The following OPA1 variants were observed in gnomAD, a reference collection of about 807,000 sequenced individuals.
OPA1 encodes the protein OPA1 mitochondrial dynamin like GTPase, also known as dynamin-like GTPase OPA1, mitochondrial.
In OPA1, 59 loss-of-function variants were observed where a neutral mutation model predicts 152.9. The ratio of observed to expected loss-of-function variants is 0.39; its 90% confidence interval spans 0.31 to 0.48. OPA1 has a LOEUF of 0.48. Among genes scored for constraint, OPA1 ranks in the 20% least tolerant of loss-of-function variants. The pLI is 0.96. For synonymous variants in OPA1, 400 were observed against 389.9 expected, an observed-to-expected ratio of 1.03 and a Z score of -0.31; for missense variants, 1,008 against 1,216.8, an observed-to-expected ratio of 0.83 and a Z score of 2.55.
chr3:193,681,502 T>C (rs758255089), intron 29 of OPA1, among the ~76,000 whole-genome samples: 4 of 152,192 alleles, frequency 2.6e-5, no homozygotes, highest in Non-Finnish European at 5.9e-5. Context: ...ATAAAATTGG[T>C]GCCCCTCAAA....
intron 29 of OPA1, among the ~76,000 whole-genome samples, chr3:193,674,565 T>C (rs1190765881): frequency 6.6e-6 from 1 of 152,258 alleles, no homozygotes; most frequent in Non-Finnish European, 1.5e-5. Context: ...AGTTCTAATT[T>C]ATAGGATAGT....
chr3:193,680,430 C>A (rs6802375), intron 29 of OPA1, among the ~76,000 whole-genome samples: 30 of 152,286 alleles, frequency 2.0e-4, no homozygotes, highest in African/African-American at 6.3e-4. Flanking sequence ...CAATCTTGAC[C>A]TCTTTCTTAT....
intron 21 of OPA1, among the ~76,000 whole-genome samples, chr3:193,654,077 C>A (rs1713194584): frequency 6.6e-6 from 1 of 152,092 alleles, no homozygotes; most frequent in Admixed American, 6.5e-5. Context: ...ATAAGAAAGA[C>A]TTGTACGTGA....
At chr3:193,625,670 TAAG>T (rs1448650619) in intron 6 of OPA1, among the ~76,000 whole-genome samples, 1 of 151,996 alleles carries the variant, frequency 6.6e-6, no homozygotes, top group East Asian at 1.9e-4. Context: ...AATACTAACT[TAAG>T]AATAATAATT....
rs201643664 is a variant in OPA1 at position 193,681,607 on chromosome 3, T to A, written c.2984-10456T>A. Among the ~76,000 whole-genome samples the A allele has an allele frequency of 7.2e-5, 11 of 152,326 alleles. No homozygotes were observed. In the East Asian group the frequency reaches 1.9e-3, roughly 27 times the overall value. ...GTTATTGCATTTTTAACAATAGAAGTTTTGTGGCAACCCTGCATTGAACAA... is the reference window on the plus strand; with the variant it reads ...GTTATTGCATTTTTAACAATAGAAGATTTGTGGCAACCCTGCATTGAACAA... On this transcript the variant is annotated intron_variant, in intron 29 of 30. Transcript: ENST00000361510.
At chr3:193,593,932 C>G (rs1311596347) in intron 1 of OPA1, among the ~76,000 whole-genome samples, 1 of 152,078 alleles carries the variant, frequency 6.6e-6, no homozygotes, top group Non-Finnish European at 1.5e-5. Context: ...TGATAGAAGT[C>G]AGAACTAGAG....
At chr3:193,658,382 A>C (rs1339854736) in intron 23 of OPA1, among the ~76,000 whole-genome samples, 1 of 152,196 alleles carries the variant, frequency 6.6e-6, no homozygotes, top group Non-Finnish European at 1.5e-5. Flanking sequence ...TTCAACTGTA[A>C]TAAATAACTT....
At chr3:193,630,752 A>T (rs1308036253) in intron 7 of OPA1, among the ~76,000 whole-genome samples, 5 of 152,190 alleles carry the variant, frequency 3.3e-5, no homozygotes, top group African/African-American at 1.2e-4. Flanking sequence ...AAGAAGTCAA[A>T]GCACAGTTAT....
At chr3:193,653,656 T>C (rs1713080141) in intron 21 of OPA1, among the ~76,000 whole-genome samples, 1 of 152,196 alleles carries the variant, frequency 6.6e-6, no homozygotes, top group South Asian at 2.1e-4. Flanking sequence ...TCATGAATTA[T>C]TGAAAAATTT....
chr3:193,678,315 T>G lies in OPA1; in HGVS notation c.2983+11035T>G, dbSNP rs374114598. On this transcript the variant is annotated intron_variant, in intron 29 of 30. Transcript: ENST00000361510. ...AAAGTACACTACTGGAATTTGAGGGTTTTTTTTTTTAACATCCTTTTCATT... is the reference window on the plus strand; with the variant it reads ...AAAGTACACTACTGGAATTTGAGGGGTTTTTTTTTTAACATCCTTTTCATT... Among the ~76,000 whole-genome samples the G allele has an allele frequency of 3.6e-3, 506 of 140,916 alleles. 3 individuals are homozygous for G. Among genetic ancestry groups the G allele is most frequent in the South Asian group, 0.021 (96 of 4,618 alleles). The allele number at this position is 140,916 out of a possible 152,430, so 92.4% of individuals were successfully genotyped here. A position where few individuals can be genotyped will look rare whatever the true frequency, so the allele number is the denominator to read the frequency against.
intron 2 of OPA1, 23 bp from the exon 3 acceptor site, chr3:193,615,651 T>A: frequency 1.5e-6 from 2 of 1,317,426 alleles, no homozygotes; most frequent in Non-Finnish European, 2.2e-6. Context: ...AGCATCTGAT[T>A]GACACACTTT....
intron 28 of OPA1, 89 bp from the exon 29 acceptor site, chr3:193,667,081 T>A: frequency 1.4e-6 from 1 of 719,594 alleles, no homozygotes; most frequent in Non-Finnish European, 2.5e-6. Flanking sequence ...TGATAAAAAA[T>A]TTACTCTCCA....
chr3:193,604,571 GAAGTT>G (rs930491111), intron 1 of OPA1, among the ~76,000 whole-genome samples: 1 of 152,134 alleles, frequency 6.6e-6, no homozygotes, highest in African/African-American at 2.4e-5. Flanking sequence ...TTTGAAAATT[GAAGTT>G]TTGGCCAGGC....
At position 193,612,897 on chromosome 3, in the gene OPA1, A is replaced by G. The variant is rs538805400; in HGVS notation, c.33-1826A>G. ...GTAAACTCGGAGAGCTCAAAACACAAGTTAGTGGAGCTCGGAATCTGAGAG... is the reference window on the plus strand; with the variant it reads ...GTAAACTCGGAGAGCTCAAAACACAGGTTAGTGGAGCTCGGAATCTGAGAG... On this transcript the variant is annotated intron_variant, in intron 1 of 30. Coordinates refer to ENST00000361510, the MANE Select transcript of OPA1 (RefSeq NM_130837.3). 2.0e-5 allele frequency among the ~76,000 whole-genome samples: 3 copies of G among 152,270 alleles called. No homozygotes were observed. In the South Asian group the frequency reaches 6.2e-4, roughly 32 times the overall value.
intron 10 of OPA1, among the ~76,000 whole-genome samples, 197 bp from the exon 11 acceptor site, chr3:193,637,755 A>G (rs1733170223): frequency 6.6e-6 from 1 of 152,174 alleles, no homozygotes; most frequent in African/African-American, 2.4e-5. Flanking sequence ...TAAACAGTGG[A>G]TCCAGTTATA....
At position 193,695,881 on chromosome 3, in the gene OPA1, G is replaced by T. The variant is rs555735827; in HGVS notation, c.*1281G>T. The stretch of plus-strand genomic sequence containing the variant: ...TGCATGCTTCGTTGTGATCCCTCAA[G>T]ATGTAACACTTGGTATGCTCGGTTG... On this transcript the variant is annotated 3_prime_UTR_variant, in exon 31 of 31. Transcript: ENST00000361510. 6.6e-6 allele frequency: 1 copy of T among 152,158 alleles called. No homozygotes were observed. Among genetic ancestry groups the T allele is most frequent in the Admixed American group, 6.5e-5 (1 of 15,272 alleles). The allele number at this position is 152,158 out of a possible 1,614,324, so 9.4% of individuals were successfully genotyped here. A position where few individuals can be genotyped will look rare whatever the true frequency, so the allele number is the denominator to read the frequency against.
At chr3:193,603,073 T>C (rs1577122144) in intron 1 of OPA1, among the ~76,000 whole-genome samples, 1 of 152,354 alleles carries the variant, frequency 6.6e-6, no homozygotes, top group East Asian at 1.9e-4. Flanking sequence ...AAGTCAAACA[T>C]TGATTATAAG....
chr3:193,628,536 GCTCTTTCTC>G (rs1731541260), intron 7 of OPA1: 1 of 152,166 alleles, frequency 6.6e-6, no homozygotes. Context: ...GGAGGATTCC[GCTCTTTCTC>G]CATCAGTTTC....
At chr3:193,607,871 T>A (rs1234537085) in intron 1 of OPA1, among the ~76,000 whole-genome samples, 1 of 152,242 alleles carries the variant, frequency 6.6e-6, no homozygotes, top group Non-Finnish European at 1.5e-5. Flanking sequence ...ATTTTCACGA[T>A]ATTGATTCTT....
Sources: gnomAD v4.1 joint callset for allele counts (sites outside exome capture counted in the v4.1 genomes callset) on GRCh38, gnomAD v4.1.1 for gene constraint, MANE v1.5 for transcripts, NCBI Gene and HGNC (gene_info 2026-07-23, HGNC 2026-07-21) for gene names.